The following ASIC2 variants were observed in gnomAD, a reference collection of about 807,000 sequenced individuals.
ASIC2 encodes acid sensing ion channel subunit 2, also known as acid-sensing ion channel 2.
A neutral mutation model predicts 57.3 loss-of-function variants in ASIC2; 25 were observed. The ratio of observed to expected loss-of-function variants is 0.44; its 90% confidence interval spans 0.32 to 0.61. The LOEUF is 0.61. Among genes scored for constraint, ASIC2 ranks in the 20% least tolerant of loss-of-function variants. ASIC2 has a pLI of 0.06. For synonymous variants in ASIC2, 319 were observed against 307.5 expected, an observed-to-expected ratio of 1.04 and a Z score of -0.39; for missense variants, 641 against 738.1, an observed-to-expected ratio of 0.87 and a Z score of 1.52.
intron 3 of ASIC2, among the ~76,000 whole-genome samples, chr17:33,030,694 C>T (rs2091879450): frequency 6.6e-6 from 1 of 152,024 alleles, no homozygotes; most frequent in South Asian, 2.1e-4. Context: ...TGTCTTATTT[C>T]TCATTTGCTG....
At chr17:33,775,399 G>C (rs1254031087) in intron 1 of ASIC2, among the ~76,000 whole-genome samples, 1 of 152,240 alleles carries the variant, frequency 6.6e-6, no homozygotes, top group Non-Finnish European at 1.5e-5. Flanking sequence ...GGGAGTATGA[G>C]TGGTAAGATA....
intron 1 of ASIC2, chr17:33,581,311 C>T (rs964759152): frequency 2.0e-5 from 3 of 152,140 alleles, no homozygotes; most frequent in Admixed American, 1.3e-4. Context: ...CCTACAGCTG[C>T]ATGGAACTGA....
rs1468340996 is a variant in ASIC2 at position 33,028,483 on chromosome 17, C to T, written c.988-91G>A. 4 of 1,462,182 alleles carry T rather than the reference C, an allele frequency of 2.7e-6. No homozygotes were observed. The African/African-American group carries it at 5.6e-5, about 20-fold the overall frequency. 90.6% of individuals were successfully genotyped at this position (1,462,182 alleles called of 1,614,324 possible). On this transcript the variant is annotated intron_variant, in intron 3 of 9. Coordinates refer to ENST00000225823, the MANE Select transcript of ASIC2 (RefSeq NM_183377.2). ...ACTCAATCAACAAACAATTATTGAG[C>T]ATTTAAATACCATTAACTTTATAGA...
chr17:33,932,731 A>T (rs1370630952), intron 1 of ASIC2: 2,232 of 103,602 alleles, frequency 0.022, 68 homozygotes, highest in Middle Eastern at 0.079. Flanking sequence ...AAAAAAAAAA[A>T]AAAAAAAAAA....
chr17:34,053,868 G>A (rs1426713998), intron 1 of ASIC2, among the ~76,000 whole-genome samples: 1 of 152,216 alleles, frequency 6.6e-6, no homozygotes, highest in Non-Finnish European at 1.5e-5. Flanking sequence ...TTGTTGGTGT[G>A]CTCCTCTGTC....
At chr17:33,987,170 AC>A (rs1905847020) in intron 1 of ASIC2, among the ~76,000 whole-genome samples, 1 of 152,198 alleles carries the variant, frequency 6.6e-6, no homozygotes, top group African/African-American at 2.4e-5. Context: ...GTAGAGCAGT[AC>A]TTAGGCCAGA....
In ASIC2 at chr17:33,763,776, C is replaced by A. The variant is rs114741255; in HGVS notation, c.555+392202G>T. Among the ~76,000 whole-genome samples, 444 of 152,306 alleles carry A rather than the reference C, an allele frequency of 2.9e-3. 1 individual carries two copies. Among genetic ancestry groups the A allele is most frequent in the African/African-American group, 0.01 (428 of 41,560 alleles). On this transcript the variant is annotated intron_variant, in intron 1 of 9. Transcript: ENST00000359872. The stretch of plus-strand genomic sequence containing the variant: ...AGATCCCAGGCCAACCTATGGTAGA[C>A]ATATGTAAAGTCACTGAGATTTTCT...
Position 33,779,967 on chromosome 17 carries a change from C to CTTTTTTTTTTTTT in ASIC2, c.555+375998_555+376010dup, listed in dbSNP as rs759850922. On this transcript the variant is annotated intron_variant, in intron 1 of 9. Coordinates refer to the ASIC2 transcript ENST00000359872. ...TAGACCCAGGTCTGGCTACAGAAGC[C>CTTTTTTTTTTTTT]TTTTTTTTTTTTTTTTTTTTTGAGA... 5.9e-5 allele frequency among the ~76,000 whole-genome samples: 5 copies of CTTTTTTTTTTTTT among 85,206 alleles called. 1 individual carries two copies. The highest frequency in any genetic ancestry group is 1.4e-4 in the African/African-American group (3 of 20,746). The allele number at this position is 85,206 out of a possible 152,430, so 55.9% of individuals were successfully genotyped here. A position where few individuals can be genotyped will look rare whatever the true frequency, so the allele number is the denominator to read the frequency against.
intron 2 of ASIC2, among the ~76,000 whole-genome samples, chr17:33,098,711 T>TA (rs2092195457): frequency 6.6e-6 from 1 of 152,204 alleles, no homozygotes; most frequent in Admixed American, 6.5e-5. Context: ...AAACATGTTA[T>TA]ACTTTGTTGA....
chr17:34,107,584 C>T (rs1911107474), intron 1 of ASIC2, among the ~76,000 whole-genome samples: 2 of 152,052 alleles, frequency 1.3e-5, no homozygotes, highest in African/African-American at 4.8e-5. Flanking sequence ...TTCAGAATTG[C>T]TTCACTCAAA....
intron 1 of ASIC2, among the ~76,000 whole-genome samples, chr17:33,702,952 T>A (rs2142070679): frequency 6.6e-6 from 1 of 152,300 alleles, no homozygotes; most frequent in Admixed American, 6.5e-5. Context: ...TAGTGCTAAG[T>A]TCCATGGAGA....
chr17:34,129,009 A>T (rs1188427138), intron 1 of ASIC2, among the ~76,000 whole-genome samples: 2 of 152,184 alleles, frequency 1.3e-5, no homozygotes, highest in African/African-American at 4.8e-5. Flanking sequence ...AGTGAACATG[A>T]ATACACCGAA....
At chr17:33,022,620 C>T (rs1205608975) in intron 6 of ASIC2, among the ~76,000 whole-genome samples, 1 of 152,224 alleles carries the variant, frequency 6.6e-6, no homozygotes, top group Non-Finnish European at 1.5e-5. Context: ...CTCTGCTGAG[C>T]TTCTGCCTAG....
At chr17:33,529,844 G>A in intron 1 of ASIC2, 1 of 152,150 alleles carries the variant, frequency 6.6e-6, no homozygotes, top group East Asian at 1.9e-4. Flanking sequence ...TAATAAATGT[G>A]GGCTATTCTT....
intron 1 of ASIC2, among the ~76,000 whole-genome samples, chr17:33,632,871 A>C (rs1488168192): frequency 6.6e-6 from 1 of 152,192 alleles, no homozygotes; most frequent in Non-Finnish European, 1.5e-5. Flanking sequence ...TGTAGATGAC[A>C]TTGTGCCAAG....
At chr17:33,402,993 A>T (rs778424381) in intron 1 of ASIC2, among the ~76,000 whole-genome samples, 3 of 152,222 alleles carry the variant, frequency 2.0e-5, no homozygotes, top group Non-Finnish European at 4.4e-5. Context: ...AGAAATAGGA[A>T]CGCTTTTATA....
At chr17:33,405,212 C>T (rs1394712909) in intron 1 of ASIC2, among the ~76,000 whole-genome samples, 3 of 152,042 alleles carry the variant, frequency 2.0e-5, no homozygotes, top group Non-Finnish European at 4.4e-5. Context: ...CTGGTCTTTG[C>T]CCCCATGGAG....
At chr17:34,139,577 T>TA (rs11373075) in intron 1 of ASIC2, among the ~76,000 whole-genome samples, 112,359 of 151,812 alleles carry the variant, frequency 0.74, 41,630 homozygotes, top group South Asian at 0.85. Flanking sequence ...CATTTGATAA[T>TA]AAAAAGAAAA....
chr17:34,088,727 A>C (rs943701975), intron 1 of ASIC2, among the ~76,000 whole-genome samples: 3 of 152,178 alleles, frequency 2.0e-5, no homozygotes, highest in Non-Finnish European at 2.9e-5. Flanking sequence ...TTACCTAAGC[A>C]AGCCTGGGCA....
Sources: gnomAD v4.1 joint callset for allele counts (sites outside exome capture counted in the v4.1 genomes callset) on GRCh38, gnomAD v4.1.1 for gene constraint, MANE v1.5 for transcripts, NCBI Gene and HGNC (gene_info 2026-07-23, HGNC 2026-07-21) for gene names.